Variants in ZNF165 observed in about 807,000 individuals in gnomAD.
ZNF165 encodes the protein cancer/testis antigen 53.
ZNF165 carries 14 observed loss-of-function variants against 19.6 expected under a neutral mutation model. The observed-to-expected ratio is 0.71, with a 90% CI of 0.47 to 1.12. ZNF165 has a LOEUF of 1.12. Among genes scored for constraint, ZNF165 ranks in the 50% most tolerant of loss-of-function variants. The pLI, the probability that ZNF165 is intolerant of heterozygous loss-of-function variation, is 0.00. For missense variants in ZNF165, 504 were observed against 566.3 expected, an observed-to-expected ratio of 0.89 and a Z score of 1.12; for synonymous variants, 165 against 195.0, an observed-to-expected ratio of 0.85 and a Z score of 1.28.
chr6:28,082,083 C>G (rs1403851461), intron 1 of ZNF165, among the ~76,000 whole-genome samples: 1 of 152,116 alleles, frequency 6.6e-6, no homozygotes, highest in Non-Finnish European at 1.5e-5. Context: ...CCAGAAATAT[C>G]AAAGAAATGG....
chr6:28,089,245 G>A lies in ZNF165; in HGVS notation c.1233G>A (p.Leu411=). Reference sequence around the variant, plus strand: ...AAGAATGTGGGAGAGCATTCAACCTGAACTCACATCTTATCAGGCATCAGA... The same window carrying A: ...AAGAATGTGGGAGAGCATTCAACCTAAACTCACATCTTATCAGGCATCAGA... The part of the protein sequence containing the change: ...GCKECGRAFN[L]NSHLIRHQRI... The change falls in exon 4 of 4, where the codon CTG becomes CTA. Residue 411 remains leucine, a synonymous_variant. Coordinates refer to ENST00000683778, the MANE Select transcript of ZNF165 (RefSeq NM_001376491.1). The A allele has an allele frequency of 2.5e-6, 4 of 1,614,128 alleles. No homozygotes were observed. Among genetic ancestry groups the A allele is most frequent in the Non-Finnish European group, 3.4e-6 (4 of 1,180,014 alleles).
chr6:28,084,600 A>C (rs896094071), intron 1 of ZNF165, among the ~76,000 whole-genome samples: 2 of 152,196 alleles, frequency 1.3e-5, no homozygotes, highest in Non-Finnish European at 2.9e-5. Context: ...CGGAGGTTGC[A>C]GTGAGCCGAG....
chr6:28,086,721 AAAAAG>A (rs892989373), intron 3 of ZNF165, among the ~76,000 whole-genome samples: 10 of 152,162 alleles, frequency 6.6e-5, no homozygotes. Flanking sequence ...AAAGGAAAAA[AAAAAG>A]AGAGAGAGAA....
intron 1 of ZNF165, among the ~76,000 whole-genome samples, chr6:28,083,126 T>G (rs1238890597): frequency 6.6e-6 from 1 of 152,212 alleles, no homozygotes; most frequent in Non-Finnish European, 1.5e-5. Context: ...TCTTAGTCAC[T>G]CCAGCCATCA....
At chr6:28,085,999 T>G (rs1456581960) in intron 2 of ZNF165, 108 bp downstream of exon 2, 8 of 1,507,614 alleles carry the variant, frequency 5.3e-6, no homozygotes, top group Non-Finnish European at 6.3e-6. Context: ...TGGTTCAGTG[T>G]GCATTTATGT....
rs751985230 is a variant in ZNF165 at position 28,089,043 on chromosome 6, A to T, written c.1031A>T (p.His344Leu). 1 of 1,614,244 alleles carries T rather than the reference A, an allele frequency of 6.2e-7. No individual in the cohort carries two copies. The highest frequency in any genetic ancestry group is 2.2e-5 in the East Asian group (1 of 44,884). ...GCAGTTTTCAGTGGAGATAAAACTC[A>T]TCAGTGTAATGAATGTGGGAAAGCT... ...HAAVFSGDKT[H>L]QCNECGKAFR... Residue 344 changes from histidine to leucine, a missense_variant, in exon 4 of 4, where the codon CAT (histidine) becomes CTT (leucine). Coordinates refer to ENST00000683778, the MANE Select transcript of ZNF165 (RefSeq NM_001376491.1).
Position 28,089,507 on chromosome 6 carries a change from C to T in ZNF165, c.*37C>T. 6.6e-7 allele frequency: 1 copy of T among 1,503,948 alleles called. No individual in the cohort carries two copies. Among genetic ancestry groups the T allele is most frequent in the Non-Finnish European group, 8.9e-7 (1 of 1,124,818 alleles). The allele number at this position is 1,503,948 out of a possible 1,614,324, so 93.2% of individuals were successfully genotyped here. A position where few individuals can be genotyped will look rare whatever the true frequency, so the allele number is the denominator to read the frequency against. Reference sequence around the variant, plus strand: ...TTGTAAGTAAATGCTGAGGAAATGGCACAATATGAAAAATATTAAATAAAA... The same window carrying T: ...TTGTAAGTAAATGCTGAGGAAATGGTACAATATGAAAAATATTAAATAAAA... On this transcript the variant is annotated 3_prime_UTR_variant, in exon 4 of 4. Transcript: ENST00000683778.
Position 28,080,587 on chromosome 6 carries a change from G to A in ZNF165, c.-384G>A, listed in dbSNP as rs767458373. The A allele has an allele frequency of 2.0e-5, 3 of 146,892 alleles. No homozygotes were observed. The highest frequency in any genetic ancestry group is 4.5e-5 in the Non-Finnish European group (3 of 67,008). The allele number at this position is 146,892 out of a possible 1,614,324, so 9.1% of individuals were successfully genotyped here. A position where few individuals can be genotyped will look rare whatever the true frequency, so the allele number is the denominator to read the frequency against. On this transcript the variant is annotated 5_prime_UTR_variant, in exon 1 of 4. In the 5' UTR this introduces an upstream ATG that the reference lacks. Coordinates refer to ENST00000683778, the MANE Select transcript of ZNF165 (RefSeq NM_001376491.1). ...TTTTTGTATTTTTAGTAGACACAGG[G>A]TGTCACCGCGTAAACCAGGATAGTC...
chr6:28,086,056 C>G (rs1764267204), intron 2 of ZNF165, 116 bp from the exon 3 acceptor site: 3 of 1,510,384 alleles, frequency 2.0e-6, no homozygotes, highest in Non-Finnish European at 1.8e-6. Context: ...ACAATTAAAT[C>G]AGACTCGATT....
At chr6:28,087,560 A>G (rs748604693) in intron 3 of ZNF165, among the ~76,000 whole-genome samples, 1 of 152,196 alleles carries the variant, frequency 6.6e-6, no homozygotes, top group African/African-American at 2.4e-5. Context: ...AATTTTTAAT[A>G]AATTTCTACA....
chr6:28,085,671 G>C lies in ZNF165; in HGVS notation c.191G>C (p.Arg64Pro), dbSNP rs754206729. ...TGCTACCAGGATTCTCCTGGACCTCGCGAGGCACTGAGCCGCCTCCGGGAG... is the reference window on the plus strand; with the variant it reads ...TGCTACCAGGATTCTCCTGGACCTCCCGAGGCACTGAGCCGCCTCCGGGAG... ...QFCYQDSPGP[R>P]EALSRLRELC... Residue 64 changes from arginine (R) to proline (P), a missense_variant, in exon 2 of 4, where the codon CGC (arginine) becomes CCC (proline). Coordinates refer to ENST00000683778, the MANE Select transcript of ZNF165 (RefSeq NM_001376491.1). 6.2e-7 allele frequency: 1 copy of C among 1,614,010 alleles called. No individual in the cohort carries two copies. The highest frequency in any genetic ancestry group is 8.5e-7 in the Non-Finnish European group (1 of 1,180,048).
In ZNF165 at chr6:28,088,765, G is replaced by A; in HGVS notation, c.753G>A (p.Gln251=). 5 of 1,614,108 alleles carry A rather than the reference G, an allele frequency of 3.1e-6. No homozygotes were observed. Among genetic ancestry groups the A allele is most frequent in the Non-Finnish European group, 4.2e-6 (5 of 1,180,024 alleles). ...AGTCTCAGAGACTCTCGTCTGCCCA[G>A]GATGAAGGTTTTGGTAAAATCCTCA... The part of the protein sequence containing the change: ...SGESQRLSSA[Q]DEGFGKILTH... Residue 251 remains glutamine, a synonymous_variant, in exon 4 of 4, where the codon CAG becomes CAA. Coordinates refer to ENST00000683778, the MANE Select transcript of ZNF165 (RefSeq NM_001376491.1).
At position 28,086,157 on chromosome 6, in the gene ZNF165, C is replaced by T. The variant is rs771055826; in HGVS notation, c.412-15C>T. ...GGATTCTTTTATAAGCCCAAATGTA[C>T]TTTATTTTTCTCAGGTTCAAGCCCA... is the stretch of plus-strand genomic sequence containing the variant. On this transcript the variant is annotated splice_polypyrimidine_tract_variant and intron_variant, in intron 2 of 3. Transcript: ENST00000683778. The T allele has an allele frequency of 6.2e-7, 1 of 1,607,158 alleles. No homozygotes were observed. Among genetic ancestry groups the T allele is most frequent in the Non-Finnish European group, 8.5e-7 (1 of 1,177,672 alleles).
rs1405315835 is a variant in ZNF165, at chr6:28,088,699, T to G, written c.687T>G (p.Ser229=). The change falls in exon 4 of 4, where the codon TCT becomes TCG. Residue 229 remains serine, a synonymous_variant. Transcript: ENST00000683778. ...ASGESQDICK[S]AGRVKRQWEK... ...GTGAGTCTCAAGACATCTGTAAGTC[T>G]GCAGGCAGGGTAAAGAGACAATGGG... 4 of 1,614,172 alleles carry G rather than the reference T, an allele frequency of 2.5e-6. No homozygotes were observed. Among genetic ancestry groups the G allele is most frequent in the Non-Finnish European group, 2.5e-6 (3 of 1,180,016 alleles).
chr6:28,089,093 A>G lies in ZNF165; in HGVS notation c.1081A>G (p.Arg361Gly). 6.2e-7 allele frequency: 1 copy of G among 1,614,178 alleles called. No homozygotes were observed. The highest frequency in any genetic ancestry group is 8.5e-7 in the Non-Finnish European group (1 of 1,179,998). ...KAFRHSSKLA[R>G]HQRIHTGERC... ...TTTCAGGCACAGCTCAAAACTTGCT[A>G]GGCATCAGAGAATCCACACTGGAGA... Residue 361 changes from arginine to glycine, a missense_variant, in exon 4 of 4, where the codon AGG becomes GGG. Coordinates refer to ENST00000683778, the MANE Select transcript of ZNF165 (RefSeq NM_001376491.1).
chr6:28,083,269 AT>A (rs901888976), intron 1 of ZNF165, among the ~76,000 whole-genome samples: 3 of 152,172 alleles, frequency 2.0e-5, no homozygotes, highest in African/African-American at 7.2e-5. Flanking sequence ...TGAGTTCTAA[AT>A]TTCTCTTCAA....
At chr6:28,081,715 T>G (rs946926553) in intron 1 of ZNF165, among the ~76,000 whole-genome samples, 3 of 152,042 alleles carry the variant, frequency 2.0e-5, no homozygotes, top group Non-Finnish European at 4.4e-5. Flanking sequence ...TCCAACTTTC[T>G]CATCATAATT....
intron 2 of ZNF165, 30 bp from the exon 3 acceptor site, chr6:28,086,142 A>G: frequency 6.3e-7 from 1 of 1,589,402 alleles, no homozygotes; most frequent in South Asian, 1.1e-5. Flanking sequence ...GGATTCTTTT[A>G]TAAGCCCAAA....
Position 28,089,134 on chromosome 6 carries a change from T to C in ZNF165, c.1122T>C (p.Cys374=), listed in dbSNP as rs770035829. 1.9e-6 allele frequency: 3 copies of C among 1,614,208 alleles called. No individual in the cohort carries two copies. The South Asian group carries it at 3.3e-5, about 18-fold the overall frequency. Residue 374 remains cysteine, a synonymous_variant, in exon 4 of 4, where the codon TGT becomes TGC. Transcript: ENST00000683778. ...ACACTGGAGAGAGATGCTATGAATG[T>C]AATGAATGTGGGAAAAGCTTTGCAG... ...RIHTGERCYE[C]NECGKSFAES...
Sources: gnomAD v4.1 joint callset for allele counts (sites outside exome capture counted in the v4.1 genomes callset) on GRCh38, gnomAD v4.1.1 for gene constraint, MANE v1.5 for transcripts, NCBI Gene and HGNC (gene_info 2026-07-23, HGNC 2026-07-21) for gene names.